The following ZZEF1 variants were observed in gnomAD, a reference collection of about 807,000 sequenced individuals.
ZZEF1 encodes the protein zinc finger ZZ-type and EF-hand domain-containing protein 1.
ZZEF1 carries 157 observed loss-of-function variants against 342.8 expected under a neutral mutation model. That is an observed-to-expected ratio of 0.46 (90% confidence interval 0.40 to 0.52). The LOEUF (loss-of-function observed/expected upper bound fraction) is 0.52, where lower values mean the gene tolerates loss of function less well. Among genes scored for constraint, ZZEF1 ranks in the 20% least tolerant of loss-of-function variants. The pLI is 0.00. For missense variants in ZZEF1, 3,480 were observed against 3,725.6 expected (o/e 0.93, Z 1.72); for synonymous variants, 1,505 against 1,429.1 (o/e 1.05, Z -1.20).
chr17:4,066,502 A>G lies in ZZEF1; in HGVS notation c.4194T>C (p.Asn1398=), dbSNP rs2057399926. Reference sequence around the variant, plus strand: ...CTGAACTATGTTTTTCTTCTGCTTCATTCCCCAGGCTCATCAGGGACTTCT... The same window carrying G: ...CTGAACTATGTTTTTCTTCTGCTTCGTTCCCCAGGCTCATCAGGGACTTCT... ...MKQKSLMSLG[N]EAEEKHSSEA... Residue 1398 remains asparagine, a synonymous_variant, in exon 28 of 55, where the codon AAT becomes AAC. Transcript: ENST00000381638. 1 of 1,614,106 alleles carries G rather than the reference A, an allele frequency of 6.2e-7. No homozygotes were observed. Among genetic ancestry groups the G allele is most frequent in the East Asian group, 2.2e-5 (1 of 44,878 alleles).
At chr17:4,110,312 T>C (rs995931827) in intron 5 of ZZEF1, among the ~76,000 whole-genome samples, 1 of 152,198 alleles carries the variant, frequency 6.6e-6, no homozygotes, top group Non-Finnish European at 1.5e-5. Context: ...GACACAGACA[T>C]GACTCACTTT....
rs775380240 is a variant in ZZEF1 at position 4,085,740 on chromosome 17, G to A, written c.2576C>T (p.Thr859Ile). The A allele has an allele frequency of 6.2e-7, 1 of 1,614,118 alleles. No individual in the cohort carries two copies. Residue 859 changes from threonine (T) to isoleucine (I), a missense_variant, in exon 16 of 55, where the codon ACC becomes ATC. By Grantham distance (89) the Thr-to-Ile change is moderately conservative (BLOSUM62 -1). This residue lies in a region of ZZEF1 where 1,528 missense variants were observed against 1,624.1 expected (regional missense o/e 0.94). Transcript: ENST00000381638. Reference sequence around the variant, plus strand: ...GAAGATGGCAGCCCCATTGAGAAGGGTATTCCTGACTTCTTGTTTTAGTAT... The same window carrying A: ...GAAGATGGCAGCCCCATTGAGAAGGATATTCCTGACTTCTTGTTTTAGTAT... ...MEILKQEVRN[T>I]LLNGAAIFFP... is the part of the protein sequence containing the mutation.
Position 4,076,829 on chromosome 17 carries a change from C to G in ZZEF1, c.3111+39G>C, listed in dbSNP as rs752511333. The G allele has an allele frequency of 2.0e-5, 33 of 1,613,090 alleles. 2 individuals carry two copies. The highest frequency in any genetic ancestry group is 4.0e-5 in the African/African-American group (3 of 74,906). ...GCCTGGGGATGCAGACCCCCAACCC[C>G]CTTCCGGTTCTTTACAAATAGCTGC... On this transcript the variant is annotated intron_variant, in intron 20 of 54. Coordinates refer to ENST00000381638, the MANE Select transcript of ZZEF1 (RefSeq NM_015113.4).
rs139860979 is a variant in ZZEF1 at position 4,031,491 on chromosome 17, C to A, written c.6892+635G>T. Among the ~76,000 whole-genome samples, 6 of 152,196 alleles carry A rather than the reference C, an allele frequency of 3.9e-5. No homozygotes were observed. In the East Asian group the frequency reaches 1.2e-3, roughly 29 times the overall value. On this transcript the variant is annotated intron_variant, in intron 42 of 54. Transcript: ENST00000381638. Reference sequence around the variant, plus strand: ...GATAATTGGATGGAGAAAGGATGGCCTGTTCAACAAATGGTCCTGGATCAA... The same window carrying A: ...GATAATTGGATGGAGAAAGGATGGCATGTTCAACAAATGGTCCTGGATCAA...
At chr17:4,084,774 G>A (rs536349661) in intron 16 of ZZEF1, among the ~76,000 whole-genome samples, 2 of 152,144 alleles carry the variant, frequency 1.3e-5, no homozygotes, top group East Asian at 1.9e-4. Context: ...TGAGGAACAC[G>A]AAGAAGTGGT....
chr17:4,014,326 A>T lies in ZZEF1; in HGVS notation c.8314+21T>A. 1.8e-5 allele frequency: 29 copies of T among 1,614,020 alleles called. No homozygotes were observed. The highest frequency in any genetic ancestry group is 2.5e-5 in the Non-Finnish European group (29 of 1,179,942). Reference sequence around the variant, plus strand: ...ACACTGCCTGTGAAGAACCTATCTAATCGAGTATTTGTTTCACTACCTGGA... The same window carrying T: ...ACACTGCCTGTGAAGAACCTATCTATTCGAGTATTTGTTTCACTACCTGGA... On this transcript the variant is annotated intron_variant, in intron 50 of 54. Coordinates refer to ENST00000381638, the MANE Select transcript of ZZEF1 (RefSeq NM_015113.4). This position sits in a 1 kb window ranked among gnomAD's most constrained non-coding sequence, Gnocchi z 4.4.
intron 2 of ZZEF1, among the ~76,000 whole-genome samples, chr17:4,121,037 T>C (rs2058474422): frequency 6.6e-6 from 1 of 152,180 alleles, no homozygotes; most frequent in Non-Finnish European, 1.5e-5. Context: ...ATTCCAAGAC[T>C]GATGAATTGG....
In ZZEF1 at chr17:4,041,535, C is replaced by T. The variant is rs144610692; in HGVS notation, c.6306+894G>A. ...TGGAAAATCCTGTTTCAGCAGCCTG[C>T]TAGCTTTGTCTCTGATTCCTCTCTG... On this transcript the variant is annotated intron_variant, in intron 39 of 54. Coordinates refer to ENST00000381638, the MANE Select transcript of ZZEF1 (RefSeq NM_015113.4). Among the ~76,000 whole-genome samples the T allele has an allele frequency of 1.3e-3, 202 of 152,252 alleles. 2 individuals carry two copies. Among genetic ancestry groups the T allele is most frequent in the Middle Eastern group, 6.8e-3 (2 of 294 alleles).
At chr17:4,076,153 A>C (rs2057612891) in intron 21 of ZZEF1, 1 of 53,306 alleles carries the variant, frequency 1.9e-5, no homozygotes, top group African/African-American at 9.5e-5. Flanking sequence ...TTTTTTTGAG[A>C]CGGAGTCTCG....
In ZZEF1 at chr17:4,017,825, G is replaced by A. The variant is rs748452804; in HGVS notation, c.7641+11C>T. ...GTGCAGATACTTTGGGTCCGAGGTCGGGTGACATACCAAGCATGGCAGGAT... is the reference window on the plus strand; with the variant it reads ...GTGCAGATACTTTGGGTCCGAGGTCAGGTGACATACCAAGCATGGCAGGAT... On this transcript the variant is annotated intron_variant, in intron 47 of 54. Coordinates refer to ENST00000381638, the MANE Select transcript of ZZEF1 (RefSeq NM_015113.4). The surrounding 1 kb of genome is among the most constrained non-coding windows in gnomAD (Gnocchi z 5.1). 21 of 1,614,006 alleles carry A rather than the reference G, an allele frequency of 1.3e-5. No individual in the cohort carries two copies. The East Asian group carries it at 1.3e-4, about 10-fold the overall frequency.
chr17:4,019,183 T>A (rs904961320), intron 46 of ZZEF1, among the ~76,000 whole-genome samples: 1 of 152,018 alleles, frequency 6.6e-6, no homozygotes, highest in African/African-American at 2.4e-5. Flanking sequence ...GAATTTACAA[T>A]GAGTAAGAAG....
intron 37 of ZZEF1, among the ~76,000 whole-genome samples, chr17:4,048,574 GAATAGCT>G (rs1333714506): frequency 1.3e-5 from 2 of 152,200 alleles, no homozygotes; most frequent in Admixed American, 6.5e-5. Context: ...CCTGGATCCA[GAATAGCT>G]TTTCTGTTTA....
intron 1 of ZZEF1, among the ~76,000 whole-genome samples, chr17:4,127,328 C>A (rs1347787421): frequency 2.0e-5 from 3 of 152,042 alleles, no homozygotes; most frequent in Non-Finnish European, 4.4e-5. Flanking sequence ...AGAAACTGGA[C>A]TTTGTGTTTT....
chr17:4,093,144 T>G (rs140147484), intron 11 of ZZEF1, among the ~76,000 whole-genome samples: 1 of 151,928 alleles, frequency 6.6e-6, no homozygotes, highest in Non-Finnish European at 1.5e-5. Flanking sequence ...AAAAAAATCA[T>G]CCTGTATAAG....
At position 4,128,343 on chromosome 17, in the gene ZZEF1, C is replaced by CT. The variant is rs1176925066; in HGVS notation, c.355-4293dup. On this transcript the variant is annotated intron_variant, in intron 1 of 54. Transcript: ENST00000381638. ...AGCCTGGGTGACAGAGCCAGACTGT[C>CT]TTAAAAAAAAAAAAAAAAAAAAAAA... Among the ~76,000 whole-genome samples the CT allele has an allele frequency of 6.7e-3, 346 of 51,316 alleles. 3 individuals are homozygous for CT. The highest frequency in any genetic ancestry group is 0.031 in the African/African-American group (328 of 10,546). 33.7% of individuals were successfully genotyped at this position (51,316 alleles called of 152,430 possible). A position where few individuals can be genotyped will look rare whatever the true frequency, so the allele number is the denominator to read the frequency against.
Position 4,017,633 on chromosome 17 carries a change from G to GCATA in ZZEF1, c.7735_7738dup (p.Ala2580ValfsTer7). ...GGCGCTCTTGCTACGGCGCTGCTTG[G>GCATA]CATAGCTCTGCTGCAGTTCGCTCTC... On this transcript the variant is annotated frameshift_variant, in exon 48 of 55. Transcript: ENST00000381638. LOFTEE classifies it high-confidence loss of function. This position sits in a 1 kb window ranked among gnomAD's most constrained non-coding sequence, Gnocchi z 5.1. 1 of 1,614,168 alleles carries GCATA rather than the reference G, an allele frequency of 6.2e-7. No homozygotes were observed. The highest frequency in any genetic ancestry group is 8.5e-7 in the Non-Finnish European group (1 of 1,180,036).
chr17:4,083,392 G>A (rs1353911825), intron 16 of ZZEF1, among the ~76,000 whole-genome samples: 1 of 152,226 alleles, frequency 6.6e-6, no homozygotes, highest in African/African-American at 2.4e-5. Context: ...GTCAGCTGAT[G>A]CTGTCAAAGG....
intron 37 of ZZEF1, among the ~76,000 whole-genome samples, chr17:4,045,092 T>C (rs2056884843): frequency 6.6e-6 from 1 of 151,990 alleles, no homozygotes; most frequent in Admixed American, 6.6e-5. Context: ...AGGAGGAGGT[T>C]GTAGTGAGCC....
chr17:4,051,924 G>C (rs1232644712), intron 35 of ZZEF1, 47 bp downstream of exon 35: 1 of 1,554,178 alleles, frequency 6.4e-7, no homozygotes. Flanking sequence ...TCAAGTGAAG[G>C]AACGTGTAAA....
Sources: gnomAD v4.1 joint callset for allele counts (sites outside exome capture counted in the v4.1 genomes callset) on GRCh38, gnomAD v4.1.1 for gene constraint, gnomAD v4.1.1 regional missense constraint, Gnocchi (gnomAD v3.1) non-coding constraint, MANE v1.5 for transcripts, NCBI Gene and HGNC (gene_info 2026-07-23, HGNC 2026-07-21) for gene names.